CUX1: variants seen among roughly 807,000 people sequenced by gnomAD.
CUX1 encodes the protein protein CASP.
Under a neutral mutation model 158.8 loss-of-function variants are expected in CUX1, and 31 were observed. That is an observed-to-expected ratio of 0.20 (90% CI 0.15 to 0.26). CUX1 has a LOEUF of 0.26. Ranked by LOEUF, CUX1 falls within the 10% of genes least tolerant of loss-of-function variation. CUX1 has a pLI of 1.00. For missense variants in CUX1, 1,589 were observed against 2,014.6 expected (o/e 0.79, Z 4.04); for synonymous variants, 879 against 862.1 (o/e 1.02, Z -0.34).
chr7:101,913,777 A>G (rs1237828840), intron 1 of CUX1, among the ~76,000 whole-genome samples: 1 of 152,098 alleles, frequency 6.6e-6, no homozygotes, highest in Middle Eastern at 3.2e-3. Flanking sequence ...AAAAGCAGTC[A>G]TGTTCTTTTT....
intron 1 of CUX1, among the ~76,000 whole-genome samples, chr7:101,903,832 CAAAAAA>C (rs553857927): frequency 6.6e-6 from 1 of 151,822 alleles, no homozygotes; most frequent in Non-Finnish European, 1.5e-5. Context: ...GGGTGAAAAA[CAAAAAA>C]ACAAATTCTT....
chr7:102,249,638 C>G lies in CUX1; in HGVS notation c.*596C>G. The G allele has an allele frequency of 1.0e-6, 1 of 984,104 alleles. No individual in the cohort carries two copies. The highest frequency in any genetic ancestry group is 1.2e-6 in the Non-Finnish European group (1 of 829,698). 61.0% of individuals were successfully genotyped at this position (984,104 alleles called of 1,614,324 possible). On this transcript the variant is annotated 3_prime_UTR_variant, in exon 24 of 24. Transcript: ENST00000292535. ...TATCTGCCATCTAATGGCTTCAGAG[C>G]GATAATACACTATTATCTTCTTAAA...
chr7:101,976,930 G>A, intron 2 of CUX1, among the ~76,000 whole-genome samples: 1 of 12,836 alleles, frequency 7.8e-5, no homozygotes, highest in Non-Finnish European at 1.6e-4. Context: ...TTTTTTTTTG[G>A]AGATGTAGTT....
Position 102,178,573 on chromosome 7 carries a change from C to G in CUX1, c.933C>G (p.Ala311=). 1 of 1,612,798 alleles carries G rather than the reference C, an allele frequency of 6.2e-7. No individual in the cohort carries two copies. ...TGGAGGACGTGCAGAGACTCCAGGCCAGCCTCACCAAGCTGCGGGAGAATT... is the reference window on the plus strand; with the variant it reads ...TGGAGGACGTGCAGAGACTCCAGGCGAGCCTCACCAAGCTGCGGGAGAATT... ...QLVEDVQRLQ[A]SLTKLRENSA... The change falls in exon 11 of 24, where the codon GCC becomes GCG. Residue 311 remains alanine (A), a synonymous_variant. Coordinates refer to ENST00000292535, the MANE Select transcript of CUX1 (RefSeq NM_181552.4).
At chr7:101,874,706 G>A (rs949125356) in intron 1 of CUX1, among the ~76,000 whole-genome samples, 1 of 152,182 alleles carries the variant, frequency 6.6e-6, no homozygotes, top group East Asian at 1.9e-4. Flanking sequence ...GCCTGGCATC[G>A]TGAACTCAGG....
At chr7:101,935,289 T>C (rs1207082124) in intron 2 of CUX1, among the ~76,000 whole-genome samples, 1 of 152,162 alleles carries the variant, frequency 6.6e-6, no homozygotes, top group Non-Finnish European at 1.5e-5. Context: ...TTCCTTTACC[T>C]ACCCAAATCC....
chr7:102,196,501 T>C, intron 14 of CUX1, 133 bp from the exon 15 acceptor site: 1 of 776,206 alleles, frequency 1.3e-6, no homozygotes, highest in Non-Finnish European at 2.0e-6. Flanking sequence ...CCCACCTCAT[T>C]GGCCCTTGTA....
Position 102,201,403 on chromosome 7 carries a change from T to A in CUX1, c.2106T>A (p.Ser702=). ...CCTCCGCATCCGGCAGCGGGAACTC[T>A]GATGACGCCATCCGCTCCATCCTGC... is the stretch of plus-strand genomic sequence containing the variant. The part of the protein sequence containing the change: ...QPSSASGSGN[S]DDAIRSILQQ... The change falls in exon 18 of 24, where the codon TCT becomes TCA. Residue 702 remains serine (S), a synonymous_variant. Coordinates refer to ENST00000292535, the MANE Select transcript of CUX1 (RefSeq NM_181552.4). The surrounding 1 kb of genome is among the most constrained non-coding windows in gnomAD (Gnocchi z 5.0). The A allele has an allele frequency of 6.2e-7, 1 of 1,613,992 alleles. No homozygotes were observed.
At chr7:102,017,309 G>A (rs1380291930) in intron 2 of CUX1, among the ~76,000 whole-genome samples, 34 of 147,450 alleles carry the variant, frequency 2.3e-4, no homozygotes, top group African/African-American at 7.0e-4. Context: ...AAAAAAAAGT[G>A]AGCTTGGTGA....
At chr7:101,949,421 C>T (rs749123570) in intron 2 of CUX1, among the ~76,000 whole-genome samples, 13 of 152,070 alleles carry the variant, frequency 8.5e-5, no homozygotes, top group South Asian at 2.1e-4. Flanking sequence ...TAAGCCACCG[C>T]ACCCAGCCAA....
intron 2 of CUX1, among the ~76,000 whole-genome samples, chr7:101,959,238 AGT>A (rs55733311): frequency 0.36 from 52,018 of 145,484 alleles, 9,100 homozygotes; most frequent in Non-Finnish European, 0.4. Flanking sequence ...ATGTGTGTGC[AGT>A]GTGTGTGTGT....
At chr7:102,221,350 C>G (rs983248853) in intron 20 of CUX1, among the ~76,000 whole-genome samples, 1 of 152,196 alleles carries the variant, frequency 6.6e-6, no homozygotes, top group African/African-American at 2.4e-5. Context: ...GGTGAAAATG[C>G]TTGCTGACTT....
chr7:101,826,090 C>T (rs1793262951), intron 1 of CUX1, among the ~76,000 whole-genome samples: 1 of 152,118 alleles, frequency 6.6e-6, no homozygotes, highest in East Asian at 1.9e-4. Flanking sequence ...CCACCTAAAC[C>T]TTTTCCATCC....
At chr7:102,060,100 C>T (rs964656714) in intron 3 of CUX1, among the ~76,000 whole-genome samples, 1 of 141,034 alleles carries the variant, frequency 7.1e-6, no homozygotes, top group African/African-American at 2.5e-5. Flanking sequence ...ATGGTGAAAC[C>T]CTGTCTTTAC....
chr7:101,939,263 A>G (rs1807405768), intron 2 of CUX1, among the ~76,000 whole-genome samples: 2 of 151,422 alleles, frequency 1.3e-5, no homozygotes, highest in Non-Finnish European at 2.9e-5. Context: ...TACCATATGC[A>G]GTCTTCGAGT....
At chr7:102,134,061 G>A (rs1336166855) in intron 8 of CUX1, among the ~76,000 whole-genome samples, 11 of 152,132 alleles carry the variant, frequency 7.2e-5, no homozygotes, top group African/African-American at 1.7e-4. Context: ...TTGTCCTGGC[G>A]CGCTGGCTCA....
At chr7:101,894,492 A>G (rs1334109386) in intron 1 of CUX1, among the ~76,000 whole-genome samples, 1 of 152,058 alleles carries the variant, frequency 6.6e-6, no homozygotes, top group Non-Finnish European at 1.5e-5. Flanking sequence ...TTGTATTTTT[A>G]GTAGAGATGG....
chr7:101,901,948 G>C (rs1285456562), intron 1 of CUX1, among the ~76,000 whole-genome samples: 1 of 152,182 alleles, frequency 6.6e-6, no homozygotes, highest in Non-Finnish European at 1.5e-5. Flanking sequence ...CAAATTAAAG[G>C]CTTATTTCTG....
Position 102,254,941 on chromosome 7 carries a change from T to C in CUX1, c.*5899T>C, listed in dbSNP as rs1554541517. 1.0e-6 allele frequency: 1 copy of C among 985,288 alleles called. No homozygotes were observed. Among genetic ancestry groups the C allele is most frequent in the African/African-American group, 1.7e-5 (1 of 57,216 alleles). 61.0% of individuals were successfully genotyped at this position (985,288 alleles called of 1,614,324 possible). Reference sequence around the variant, plus strand: ...AAGGGGAAGCAGGTACCCAATAAAGTTTAGAAAGATCCAGTCTGTGAAACC... The same window carrying C: ...AAGGGGAAGCAGGTACCCAATAAAGCTTAGAAAGATCCAGTCTGTGAAACC... On this transcript the variant is annotated 3_prime_UTR_variant, in exon 24 of 24. Coordinates refer to ENST00000292535, the MANE Select transcript of CUX1 (RefSeq NM_181552.4).
Sources: gnomAD v4.1 joint callset for allele counts (sites outside exome capture counted in the v4.1 genomes callset) on GRCh38, gnomAD v4.1.1 for gene constraint, Gnocchi (gnomAD v3.1) non-coding constraint, MANE v1.5 for transcripts, NCBI Gene and HGNC (gene_info 2026-07-23, HGNC 2026-07-21) for gene names.